Variants in NUP210L observed in about 807,000 individuals in gnomAD.
NUP210L encodes nuclear pore membrane glycoprotein 210-like.
Under a neutral mutation model 208.5 loss-of-function variants are expected in NUP210L, and 74 were observed. The ratio of observed to expected loss-of-function variants is 0.35; its 90% confidence interval spans 0.29 to 0.43. NUP210L has a LOEUF of 0.43. Among genes scored for constraint, NUP210L ranks in the 20% least tolerant of loss-of-function variants. The pLI is 1.00. For synonymous variants in NUP210L, 780 were observed against 816.9 expected (o/e 0.95, Z 0.77); for missense variants, 1,843 against 2,289.4 (o/e 0.81, Z 3.98).
intron 16 of NUP210L, among the ~76,000 whole-genome samples, chr1:154,072,478 G>C (rs1276892940): frequency 2.0e-5 from 3 of 151,620 alleles, no homozygotes; most frequent in Admixed American, 2.0e-4. Context: ...GACTACAGGC[G>C]TCTGCCACCA....
At chr1:154,054,963 C>T (rs1373238771) in intron 23 of NUP210L, 131 bp from the exon 24 acceptor site, 31 of 650,336 alleles carry the variant, frequency 4.8e-5, no homozygotes, top group Middle Eastern at 2.7e-4. Context: ...TGCAGTGGCA[C>T]GATCACAGCT....
chr1:154,010,082 A>G, exon 35 of NUP210L: 1 of 1,614,036 alleles, frequency 6.2e-7, no homozygotes, highest in Non-Finnish European at 8.5e-7. Flanking sequence ...TGGAAGAAGT[A>G]CTTTTGTAAT....
chr1:154,054,809 A>C (rs368960141), exon 24 of NUP210L: 109 of 1,613,054 alleles, frequency 6.8e-5, no homozygotes, highest in Middle Eastern at 1.6e-4. Context: ...TTTTCTCTGG[A>C]AGAAGTCTGA....
intron 6 of NUP210L, among the ~76,000 whole-genome samples, chr1:154,136,811 T>A (rs368499205): frequency 8.9e-5 from 13 of 146,478 alleles, no homozygotes; most frequent in African/African-American, 3.3e-4. Flanking sequence ...TCCCAGCTAC[T>A]CGGGAGGCTG....
At chr1:154,147,465 G>A (rs1375317273) in intron 2 of NUP210L, among the ~76,000 whole-genome samples, 2 of 151,774 alleles carry the variant, frequency 1.3e-5, no homozygotes, top group Non-Finnish European at 1.5e-5. Context: ...GGCCTCCTGA[G>A]TAGCTGGGGT....
At chr1:154,024,808 A>C (rs955629023) in intron 30 of NUP210L, among the ~76,000 whole-genome samples, 3 of 151,436 alleles carry the variant, frequency 2.0e-5, no homozygotes, top group Non-Finnish European at 1.5e-5. Flanking sequence ...CTGGGCTTAC[A>C]GGCGTGAGTC....
chr1:154,132,537 A>G (rs1658310139), intron 7 of NUP210L, among the ~76,000 whole-genome samples: 1 of 152,146 alleles, frequency 6.6e-6, no homozygotes, highest in Admixed American at 6.6e-5. Context: ...AGGTGCTGGG[A>G]CATATTATGA....
chr1:154,023,747 G>A (rs1425853180), intron 30 of NUP210L, among the ~76,000 whole-genome samples: 1 of 151,824 alleles, frequency 6.6e-6, no homozygotes, highest in African/African-American at 2.4e-5. Flanking sequence ...CAAAGTGTTG[G>A]AATTATAGGC....
chr1:154,087,509 G>A (rs1655688940), intron 16 of NUP210L, among the ~76,000 whole-genome samples: 2 of 152,112 alleles, frequency 1.3e-5, no homozygotes, highest in Admixed American at 1.3e-4. Context: ...AAATGGTGCA[G>A]CCACTTTGGA....
At chr1:154,119,019 G>C (rs1003943851) in intron 10 of NUP210L, among the ~76,000 whole-genome samples, 1 of 151,834 alleles carries the variant, frequency 6.6e-6, no homozygotes, top group East Asian at 1.9e-4. Flanking sequence ...TAATGAAAAG[G>C]GTTTTGCTAG....
At chr1:154,149,615 A>AG (rs1247411884) in intron 2 of NUP210L, among the ~76,000 whole-genome samples, 2 of 152,170 alleles carry the variant, frequency 1.3e-5, no homozygotes, top group Non-Finnish European at 2.9e-5. Flanking sequence ...AGGCTGAAGT[A>AG]GGGGGATCAC....
chr1:154,016,660 C>G (rs1316372547), intron 33 of NUP210L, among the ~76,000 whole-genome samples: 1 of 151,958 alleles, frequency 6.6e-6, no homozygotes, highest in Non-Finnish European at 1.5e-5. Flanking sequence ...TCAGGTCACT[C>G]TGTCTGGGCA....
At chr1:154,012,155 A>T in intron 34 of NUP210L, 89 bp downstream of exon 34, 1 of 1,332,068 alleles carries the variant, frequency 7.5e-7, no homozygotes, top group Middle Eastern at 2.0e-4. Flanking sequence ...TAAAAAGAAA[A>T]TCTGGATTAC....
At chr1:154,005,443 G>A (rs1349451934) in intron 35 of NUP210L, among the ~76,000 whole-genome samples, 1 of 151,318 alleles carries the variant, frequency 6.6e-6, no homozygotes, top group Non-Finnish European at 1.5e-5. Context: ...TGGCCAGGCT[G>A]GTCTTGAACT....
chr1:154,043,833 G>C (rs895353115), intron 27 of NUP210L, among the ~76,000 whole-genome samples: 6 of 151,118 alleles, frequency 4.0e-5, no homozygotes, highest in Admixed American at 4.0e-4. Context: ...CACCATGTTG[G>C]CCAGGCTGGT....
At position 154,058,223 on chromosome 1, in the gene NUP210L, G is replaced by C. The variant is rs1225687367; in HGVS notation, c.2980-7C>G. 1 of 1,612,944 alleles carries C rather than the reference G, an allele frequency of 6.2e-7. No individual in the cohort carries two copies. The highest frequency in any genetic ancestry group is 1.7e-5 in the Admixed American group (1 of 59,762). On this transcript the variant is annotated splice_polypyrimidine_tract_variant and splice_region_variant and intron_variant, in intron 21 of 39. Coordinates refer to ENST00000368559, the Ensembl canonical transcript of NUP210L. ...CAGTTTTGTCTATTTCAACCTAGTA[G>C]TTAAAAAGAAAAAGATTTTAGCAAA... is the stretch of plus-strand genomic sequence containing the variant.
intron 7 of NUP210L, among the ~76,000 whole-genome samples, chr1:154,129,785 A>C (rs570348213): frequency 1.3e-5 from 2 of 152,194 alleles, no homozygotes; most frequent in Non-Finnish European, 2.9e-5. Context: ...ACATGCCTAG[A>C]ACTCCACAGA....
chr1:154,033,001 GA>G (rs1264936002), intron 27 of NUP210L, among the ~76,000 whole-genome samples: 3 of 132,922 alleles, frequency 2.3e-5, no homozygotes, highest in African/African-American at 3.2e-5. Flanking sequence ...AAGAAAGAAA[GA>G]AAAAAAGAAA....
intron 27 of NUP210L, 76 bp from the exon 28 acceptor site, chr1:154,030,130 A>G: frequency 1.9e-6 from 2 of 1,066,502 alleles, no homozygotes; most frequent in Non-Finnish European, 2.5e-6. Context: ...CACTTTTTTA[A>G]TATTAAATTT....
Sources: allele counts gnomAD v4.1 joint callset (sites outside exome capture counted in the v4.1 genomes callset), GRCh38; gene constraint gnomAD v4.1.1; transcripts MANE v1.5; gene names NCBI Gene and HGNC (gene_info 2026-07-23, HGNC 2026-07-21).